SLC30A8: variants seen among roughly 807,000 people sequenced by gnomAD.
The protein encoded by SLC30A8 is solute carrier family 30 member 8.
Under a neutral mutation model 36.9 loss-of-function variants are expected in SLC30A8, and 27 were observed. The observed-to-expected ratio is 0.73, with a 90% confidence interval of 0.54 to 1.01. The LOEUF is 1.01. SLC30A8 is among the 50% of genes least tolerant of loss of function. SLC30A8 has a pLI of 0.00. For synonymous variants in SLC30A8, 164 were observed against 172.4 expected (o/e 0.95, Z 0.38); for missense variants, 439 against 452.0 (o/e 0.97, Z 0.26).
At chr8:117,092,511 C>T (rs1003967509) in intron 2 of SLC30A8, among the ~76,000 whole-genome samples, 2 of 151,956 alleles carry the variant, frequency 1.3e-5, no homozygotes, top group African/African-American at 4.8e-5. Context: ...CCTGGCCTGG[C>T]AAAATTTTTA....
chr8:117,154,864 T>G (rs1345595245), intron 3 of SLC30A8, among the ~76,000 whole-genome samples: 1 of 152,212 alleles, frequency 6.6e-6, no homozygotes, highest in East Asian at 1.9e-4. Flanking sequence ...TGGAAGACCC[T>G]GAGCTATTAA....
At chr8:117,111,736 C>A (rs752134477) in intron 2 of SLC30A8, among the ~76,000 whole-genome samples, 38 of 152,096 alleles carry the variant, frequency 2.5e-4, no homozygotes, top group Non-Finnish European at 4.7e-4. Context: ...AAGGGAGCAT[C>A]TTTTTGATGC....
At chr8:117,067,108 T>A (rs988907075) in intron 2 of SLC30A8, among the ~76,000 whole-genome samples, 67 of 152,092 alleles carry the variant, frequency 4.4e-4, no homozygotes, top group African/African-American at 1.5e-3. Flanking sequence ...AAACCCCTTA[T>A]AAAACCATCG....
chr8:117,147,435 C>T (rs1407254055), intron 2 of SLC30A8: 4 of 354,124 alleles, frequency 1.1e-5, no homozygotes, highest in Non-Finnish European at 2.1e-5. Flanking sequence ...TAACTGAGAG[C>T]ATACTGAATG....
At chr8:116,993,578 A>G (rs1815719882) in intron 1 of SLC30A8, among the ~76,000 whole-genome samples, 1 of 152,064 alleles carries the variant, frequency 6.6e-6, no homozygotes, top group Non-Finnish European at 1.5e-5. Flanking sequence ...CTAATCACCA[A>G]AATTATTATG....
chr8:116,963,779 G>T (rs1303269170), intron 1 of SLC30A8, among the ~76,000 whole-genome samples: 1 of 152,188 alleles, frequency 6.6e-6, no homozygotes, highest in East Asian at 1.9e-4. Flanking sequence ...ATATCCAGGA[G>T]TGGAATTACT....
At chr8:117,138,081 G>GA (rs1306387008) in intron 1 of SLC30A8, among the ~76,000 whole-genome samples, 3 of 122,558 alleles carry the variant, frequency 2.4e-5, no homozygotes, top group African/African-American at 9.4e-5. Flanking sequence ...AAAAAAAAAA[G>GA]AAAAAGAAAA....
intron 1 of SLC30A8, among the ~76,000 whole-genome samples, chr8:116,952,649 G>A (rs1479833010): frequency 1.3e-5 from 2 of 152,058 alleles, no homozygotes; most frequent in Non-Finnish European, 2.9e-5. Flanking sequence ...TAGAGATGGG[G>A]TTTCACCATG....
At chr8:117,069,812 C>T (rs1818273628) in intron 2 of SLC30A8, among the ~76,000 whole-genome samples, 1 of 152,144 alleles carries the variant, frequency 6.6e-6, no homozygotes, top group South Asian at 2.1e-4. Flanking sequence ...CCTTGTTTAC[C>T]CAGGGGTGGG....
At chr8:117,164,277 A>G (rs973809745) in intron 6 of SLC30A8, 2 of 152,336 alleles carry the variant, frequency 1.3e-5, no homozygotes, top group African/African-American at 4.8e-5. Flanking sequence ...TAGTAAAATA[A>G]AATATGGGCT....
chr8:117,069,997 T>C (rs750040750), intron 2 of SLC30A8, among the ~76,000 whole-genome samples: 2 of 152,252 alleles, frequency 1.3e-5, no homozygotes, highest in Non-Finnish European at 2.9e-5. Flanking sequence ...AATTTATATG[T>C]GACTCTTTCA....
At position 117,153,056 on chromosome 8, in the gene SLC30A8, C is replaced by T; in HGVS notation, c.384C>T (p.Pro128=). The change falls in exon 3 of 8, where the codon CCC becomes CCT. Residue 128 remains proline (P), a synonymous_variant. Coordinates refer to ENST00000456015, the MANE Select transcript of SLC30A8 (RefSeq NM_173851.3). ...LFSLWLSSKP[P]SKRLTFGWHR... ...CCCTGTGGTTGTCATCGAAGCCTCC[C>T]TCTAAGCGGCTGACATTTGGATGGC... The T allele has an allele frequency of 1.9e-6, 3 of 1,612,630 alleles. No homozygotes were observed. The highest frequency in any genetic ancestry group is 2.5e-6 in the Non-Finnish European group (3 of 1,178,944).
At chr8:116,979,956 A>G (rs1034972090) in intron 1 of SLC30A8, among the ~76,000 whole-genome samples, 1 of 152,212 alleles carries the variant, frequency 6.6e-6, no homozygotes, top group South Asian at 2.1e-4. Flanking sequence ...AGGAAGGAAG[A>G]AAAGAAAGTG....
intron 2 of SLC30A8, among the ~76,000 whole-genome samples, chr8:117,122,616 A>T (rs1034454646): frequency 6.6e-6 from 1 of 152,012 alleles, no homozygotes; most frequent in African/African-American, 2.4e-5. Flanking sequence ...CTGTGGCCCC[A>T]GATGAATGCA....
intron 2 of SLC30A8, among the ~76,000 whole-genome samples, chr8:117,109,034 A>C (rs10107643): frequency 0.26 from 39,326 of 152,010 alleles, 5,462 homozygotes; most frequent in African/African-American, 0.34. Context: ...AGCCTGGAAA[A>C]CTCACAGAAA....
chr8:117,069,590 C>T (rs1818268550), intron 2 of SLC30A8, among the ~76,000 whole-genome samples: 2 of 152,304 alleles, frequency 1.3e-5, no homozygotes, highest in South Asian at 4.1e-4. Flanking sequence ...TAATACATGT[C>T]TAAGTATTTT....
chr8:117,009,553 T>A (rs1240887478), intron 1 of SLC30A8, among the ~76,000 whole-genome samples: 1 of 152,168 alleles, frequency 6.6e-6, no homozygotes, highest in Non-Finnish European at 1.5e-5. Flanking sequence ...TATTAACAAA[T>A]CCCCAGTGAC....
chr8:116,970,062 TAAAAC>T (rs1192682139), intron 1 of SLC30A8, among the ~76,000 whole-genome samples: 1 of 152,076 alleles, frequency 6.6e-6, no homozygotes. Flanking sequence ...ATGCTTCACT[TAAAAC>T]ACACATTACT....
chr8:116,975,801 G>A (rs1399290891), intron 1 of SLC30A8, among the ~76,000 whole-genome samples: 2 of 152,190 alleles, frequency 1.3e-5, no homozygotes, highest in African/African-American at 4.8e-5. Flanking sequence ...GGCCAGCAAG[G>A]TTGGAAAAGC....
Sources: allele counts gnomAD v4.1 joint callset (sites outside exome capture counted in the v4.1 genomes callset), GRCh38; gene constraint gnomAD v4.1.1; transcripts MANE v1.5; gene names NCBI Gene and HGNC (gene_info 2026-07-23, HGNC 2026-07-21).